ADGRG6: variants seen among roughly 807,000 people sequenced by gnomAD.
ADGRG6 encodes the protein adhesion G protein-coupled receptor G6.
ADGRG6 carries 84 observed loss-of-function variants against 142.4 expected under a neutral mutation model. The ratio of observed to expected loss-of-function variants is 0.59; its 90% CI spans 0.49 to 0.71. The LOEUF (loss-of-function observed/expected upper bound fraction) is 0.71, where lower values mean the gene tolerates loss of function less well. Ranked by LOEUF, ADGRG6 falls within the 30% of genes least tolerant of loss-of-function variation. The pLI is 0.00. For synonymous variants in ADGRG6, 521 were observed against 520.5 expected, an observed-to-expected ratio of 1.00 and a Z score of -0.01; for missense variants, 1,367 against 1,466.6, an observed-to-expected ratio of 0.93 and a Z score of 1.11.
intron 2 of ADGRG6, among the ~76,000 whole-genome samples, chr6:142,314,964 A>G (rs957611590): frequency 2.4e-5 from 3 of 123,300 alleles, no homozygotes; most frequent in South Asian, 2.7e-4. Context: ...CTACAGTCCA[A>G]TCATGGAGTG....
Position 142,367,815 on chromosome 6 carries a change from G to C in ADGRG6, c.350G>C (p.Gly117Ala). ...QTKFCGATAKGLSFNSSANEM... is the reference protein window; with the variant it reads ...QTKFCGATAKALSFNSSANEM... The stretch of plus-strand genomic sequence containing the variant: ...AAATTTTGTGGAGCAACTGCCAAAG[G>C]CCTATCATTTAACTCAAGTGCGAAT... The change falls in exon 3 of 25, where the codon GGC (glycine) becomes GCC (alanine). Residue 117 changes from glycine (G) to alanine (A), a missense_variant. By Grantham distance (60) the Gly-to-Ala change is moderately conservative (BLOSUM62 0). Transcript: ENST00000367609. The C allele has an allele frequency of 6.2e-7, 1 of 1,613,692 alleles. No individual in the cohort carries two copies. The highest frequency in any genetic ancestry group is 1.1e-5 in the South Asian group (1 of 91,064).
At chr6:142,413,029 T>TTATA (rs139522751) in intron 18 of ADGRG6, among the ~76,000 whole-genome samples, 2,382 of 150,156 alleles carry the variant, frequency 0.016, 67 homozygotes, top group African/African-American at 0.052. Context: ...GAATGGTTAA[T>TTATA]TATATATATA....
At chr6:142,324,998 G>C (rs1342941366) in intron 2 of ADGRG6, among the ~76,000 whole-genome samples, 1 of 152,120 alleles carries the variant, frequency 6.6e-6, no homozygotes, top group Non-Finnish European at 1.5e-5. Flanking sequence ...TAAACAAATA[G>C]AATGAGGCAC....
chr6:142,351,927 C>T (rs1166467820), intron 2 of ADGRG6, among the ~76,000 whole-genome samples: 2 of 152,122 alleles, frequency 1.3e-5, no homozygotes, highest in Non-Finnish European at 2.9e-5. Flanking sequence ...CATCTCACAC[C>T]AGTCATAATG....
At chr6:142,399,824 G>A (rs1775409918) in intron 10 of ADGRG6, among the ~76,000 whole-genome samples, 1 of 147,954 alleles carries the variant, frequency 6.8e-6, no homozygotes, top group Middle Eastern at 3.2e-3. Context: ...AGAGTTTATT[G>A]TTGTTGTTGA....
At position 142,381,932 on chromosome 6, in the gene ADGRG6, T is replaced by A; in HGVS notation, c.1070-19T>A. ...TAAATCATAAATCAAACTTACATAT[T>A]CTTTTTGTGTTGATCAAGGTTCCTA... On this transcript the variant is annotated intron_variant, in intron 4 of 24. Transcript: ENST00000367609. 6.6e-7 allele frequency: 1 copy of A among 1,513,682 alleles called. No individual in the cohort carries two copies. The highest frequency in any genetic ancestry group is 9.1e-7 in the Non-Finnish European group (1 of 1,101,524). The allele number at this position is 1,513,682 out of a possible 1,614,324, so 93.8% of individuals were successfully genotyped here.
chr6:142,422,959 T>A (rs942222355), intron 22 of ADGRG6, among the ~76,000 whole-genome samples: 3 of 151,916 alleles, frequency 2.0e-5, no homozygotes, highest in Non-Finnish European at 4.4e-5. Flanking sequence ...TGCATAAATG[T>A]CTTCTTTTGA....
intron 2 of ADGRG6, among the ~76,000 whole-genome samples, chr6:142,352,098 C>T (rs934112804): frequency 6.6e-6 from 1 of 152,138 alleles, no homozygotes; most frequent in African/African-American, 2.4e-5. Flanking sequence ...ATTGGACCCA[C>T]CAGTCTCACT....
chr6:142,318,598 TAACAG>T (rs1052377108), intron 2 of ADGRG6, among the ~76,000 whole-genome samples: 3 of 150,534 alleles, frequency 2.0e-5, no homozygotes, highest in African/African-American at 4.9e-5. Context: ...TGTCAAGAGA[TAACAG>T]AAGAGATCTC....
intron 2 of ADGRG6, among the ~76,000 whole-genome samples, chr6:142,359,398 G>C (rs984233830): frequency 6.6e-6 from 1 of 151,834 alleles, no homozygotes; most frequent in African/African-American, 2.4e-5. Flanking sequence ...CTTTACACAC[G>C]ATGCTCCAGC....
intron 4 of ADGRG6, among the ~76,000 whole-genome samples, chr6:142,373,139 TA>T (rs909645337): frequency 1.3e-5 from 2 of 152,186 alleles, no homozygotes; most frequent in African/African-American, 4.8e-5. Context: ...CAGTGTCTCT[TA>T]ATTAGTAAGT....
At chr6:142,431,652 C>T (rs772936791) in intron 22 of ADGRG6, among the ~76,000 whole-genome samples, 25 of 152,058 alleles carry the variant, frequency 1.6e-4, no homozygotes, top group Admixed American at 3.9e-4. Context: ...AGGCCAGGTG[C>T]GGTGGCTCAC....
chr6:142,401,671 A>G (rs780326530), intron 11 of ADGRG6, among the ~76,000 whole-genome samples: 6 of 152,170 alleles, frequency 3.9e-5, no homozygotes, highest in Admixed American at 2.0e-4. Flanking sequence ...AAATAGTGCA[A>G]ATGGAGAAAC....
intron 23 of ADGRG6, among the ~76,000 whole-genome samples, chr6:142,437,822 T>C (rs1562395793): frequency 6.6e-6 from 1 of 151,164 alleles, no homozygotes; most frequent in Non-Finnish European, 1.5e-5. Context: ...GGTTCCACTA[T>C]ACCAGACTCA....
At chr6:142,377,569 T>C (rs1307224992) in intron 4 of ADGRG6, among the ~76,000 whole-genome samples, 3 of 152,234 alleles carry the variant, frequency 2.0e-5, no homozygotes, top group African/African-American at 7.2e-5. Context: ...TAATATTAAG[T>C]AAACACCTGA....
chr6:142,389,040 G>A (rs958762484), intron 6 of ADGRG6, among the ~76,000 whole-genome samples: 3 of 151,926 alleles, frequency 2.0e-5, no homozygotes, highest in Non-Finnish European at 4.4e-5. Flanking sequence ...TAAAATACCC[G>A]AAGAATTTTA....
intron 6 of ADGRG6, among the ~76,000 whole-genome samples, chr6:142,385,044 T>C (rs1210845512): frequency 2.0e-5 from 3 of 152,038 alleles, no homozygotes; most frequent in Admixed American, 2.0e-4. Context: ...ATTATAATTC[T>C]AACTAAGTAT....
chr6:142,441,590 T>C (rs1777758566), intron 24 of ADGRG6, among the ~76,000 whole-genome samples: 1 of 152,202 alleles, frequency 6.6e-6, no homozygotes, highest in Non-Finnish European at 1.5e-5. Context: ...ATCACATTGT[T>C]GAAATGAAGC....
chr6:142,404,018 A>G (rs1449717843), intron 14 of ADGRG6, 45 bp downstream of exon 14: 3 of 1,426,448 alleles, frequency 2.1e-6, no homozygotes, highest in East Asian at 2.3e-5. Flanking sequence ...TTAGTTAGAC[A>G]TATAAAAACT....
Sources: gnomAD v4.1 joint callset for allele counts (sites outside exome capture counted in the v4.1 genomes callset) on GRCh38, gnomAD v4.1.1 for gene constraint, MANE v1.5 for transcripts, NCBI Gene and HGNC (gene_info 2026-07-23, HGNC 2026-07-21) for gene names.